The following NR3C2 variants were observed in gnomAD, a reference collection of about 807,000 sequenced individuals.
NR3C2 encodes nuclear receptor subfamily 3 group C member 2, also known as mineralocorticoid receptor.
A neutral mutation model predicts 86.4 loss-of-function variants in NR3C2; 15 were observed. The ratio of observed to expected loss-of-function variants is 0.17; its 90% CI spans 0.12 to 0.27. The LOEUF is 0.27. Among genes scored for constraint, NR3C2 ranks in the 10% least tolerant of loss-of-function variants. NR3C2 has a pLI of 1.00. For synonymous variants in NR3C2, 458 were observed against 450.5 expected (o/e 1.02, Z -0.21); for missense variants, 960 against 1,195.6 (o/e 0.80, Z 2.91).
chr4:148,176,931 C>A (rs907394381), intron 4 of NR3C2, among the ~76,000 whole-genome samples: 9 of 152,146 alleles, frequency 5.9e-5, no homozygotes, highest in Non-Finnish European at 5.9e-5. Context: ...CACATTAGTA[C>A]GCTGAAGGAA....
intron 5 of NR3C2, 74 bp downstream of exon 5, chr4:148,154,477 T>G (rs552399459): frequency 4.5e-6 from 6 of 1,336,980 alleles, no homozygotes; most frequent in Admixed American, 1.7e-5. Flanking sequence ...TCCTGCATGG[T>G]TGGAGATGGC....
chr4:148,387,729 A>G (rs1329363790), intron 2 of NR3C2, among the ~76,000 whole-genome samples: 1 of 152,210 alleles, frequency 6.6e-6, no homozygotes, highest in Non-Finnish European at 1.5e-5. Flanking sequence ...GATGTGGCAA[A>G]TTGTATCAGT....
intron 4 of NR3C2, among the ~76,000 whole-genome samples, chr4:148,190,867 G>A (rs751450356): frequency 1.3e-5 from 2 of 152,162 alleles, no homozygotes; most frequent in Non-Finnish European, 2.9e-5. Context: ...ATGAGTCCTT[G>A]TGTGTTAGGT....
chr4:148,308,901 T>TA (rs1291126448), intron 2 of NR3C2, among the ~76,000 whole-genome samples: 14 of 152,162 alleles, frequency 9.2e-5, no homozygotes, highest in African/African-American at 1.7e-4. Flanking sequence ...GAGGATCACT[T>TA]GAGCCTGAAA....
chr4:148,411,601 C>T (rs932826543), intron 2 of NR3C2, among the ~76,000 whole-genome samples: 8 of 152,076 alleles, frequency 5.3e-5, no homozygotes, highest in East Asian at 1.9e-4. Flanking sequence ...CTATATTGCT[C>T]GACACTGGTT....
chr4:148,330,892 T>C (rs1161272219), intron 2 of NR3C2, among the ~76,000 whole-genome samples: 1 of 152,166 alleles, frequency 6.6e-6, no homozygotes, highest in Non-Finnish European at 1.5e-5. Flanking sequence ...CCCTCTGTCT[T>C]GCTCCAGCTC....
At chr4:148,151,903 G>A (rs1268601789) in intron 6 of NR3C2, among the ~76,000 whole-genome samples, 1 of 152,174 alleles carries the variant, frequency 6.6e-6, no homozygotes, top group Non-Finnish European at 1.5e-5. Context: ...TGTGGCCAAA[G>A]AAAAACTGAT....
chr4:148,213,511 T>C (rs1195232429), intron 3 of NR3C2, among the ~76,000 whole-genome samples: 1 of 152,236 alleles, frequency 6.6e-6, no homozygotes, highest in Non-Finnish European at 1.5e-5. Flanking sequence ...TATTCTGAAT[T>C]GAATACGTTT....
chr4:148,329,422 C>G (rs1032075617), intron 2 of NR3C2, among the ~76,000 whole-genome samples: 15 of 152,086 alleles, frequency 9.9e-5, no homozygotes, highest in African/African-American at 3.4e-4. Context: ...TAAAATGGAA[C>G]ATCTTCATTT....
At chr4:148,161,633 G>T (rs1734666480) in intron 4 of NR3C2, among the ~76,000 whole-genome samples, 1 of 152,090 alleles carries the variant, frequency 6.6e-6, no homozygotes, top group African/African-American at 2.4e-5. Context: ...ATTTTAATGT[G>T]TGTGTAAAGC....
intron 2 of NR3C2, among the ~76,000 whole-genome samples, chr4:148,408,834 G>A (rs1281892666): frequency 6.6e-6 from 1 of 152,058 alleles, no homozygotes; most frequent in Non-Finnish European, 1.5e-5. Context: ...TATATAAGAA[G>A]TACTGAGATC....
intron 3 of NR3C2, among the ~76,000 whole-genome samples, chr4:148,250,040 CCT>C (rs761562131): frequency 1.1e-3 from 164 of 152,246 alleles, no homozygotes; most frequent in Non-Finnish European, 1.9e-3. Flanking sequence ...CAAGGTTTTG[CCT>C]CTGTTCCTTT....
chr4:148,350,243 G>T (rs1745206526), intron 2 of NR3C2, among the ~76,000 whole-genome samples: 1 of 152,164 alleles, frequency 6.6e-6, no homozygotes, highest in South Asian at 2.1e-4. Flanking sequence ...TTTCTCCCAA[G>T]TTAGTGCCCT....
chr4:148,282,156 A>C (rs1466115452), intron 2 of NR3C2, among the ~76,000 whole-genome samples: 1 of 152,156 alleles, frequency 6.6e-6, no homozygotes, highest in Non-Finnish European at 1.5e-5. Flanking sequence ...CAGCCTCCAC[A>C]GTAGCTGGGA....
At chr4:148,329,552 C>G (rs1744132025) in intron 2 of NR3C2, among the ~76,000 whole-genome samples, 1 of 151,986 alleles carries the variant, frequency 6.6e-6, no homozygotes, top group South Asian at 2.1e-4. Flanking sequence ...TTTTTCATTA[C>G]AAGAGTTATT....
intron 2 of NR3C2, among the ~76,000 whole-genome samples, chr4:148,272,352 T>A (rs916760315): frequency 1.3e-5 from 2 of 152,178 alleles, no homozygotes; most frequent in African/African-American, 4.8e-5. Context: ...GTTAACTCAA[T>A]GTAACATCTG....
At chr4:148,102,310 C>T (rs1257016500) in intron 8 of NR3C2, among the ~76,000 whole-genome samples, 1 of 152,264 alleles carries the variant, frequency 6.6e-6, no homozygotes, top group Non-Finnish European at 1.5e-5. Context: ...CACATGCTGC[C>T]GCCTCCCACA....
intron 8 of NR3C2, among the ~76,000 whole-genome samples, chr4:148,112,355 A>C (rs540832560): frequency 6.6e-6 from 1 of 152,386 alleles, no homozygotes; most frequent in South Asian, 2.1e-4. Context: ...AAGAGAACTT[A>C]CGAAAGAACC....
intron 2 of NR3C2, among the ~76,000 whole-genome samples, chr4:148,428,344 A>G (rs79373519): frequency 6.6e-6 from 1 of 152,214 alleles, no homozygotes; most frequent in African/African-American, 2.4e-5. Context: ...AACCCAATGG[A>G]AAGACTTTCT....
Sources: allele counts gnomAD v4.1 joint callset (sites outside exome capture counted in the v4.1 genomes callset), GRCh38; gene constraint gnomAD v4.1.1; transcripts MANE v1.5; gene names NCBI Gene and HGNC (gene_info 2026-07-23, HGNC 2026-07-21).